The following AFG2A variants were observed in gnomAD, a reference collection of about 807,000 sequenced individuals.
AFG2A encodes AAA ATPase AFG2A.
At chr4:122,944,059 G>A in the AFG2A span, among the ~76,000 whole-genome samples, 2 of 152,198 alleles carry the variant, frequency 1.3e-5, no homozygotes, top group African/African-American at 4.8e-5. Flanking sequence ...CTCTCTGGCT[G>A]CTCTTAACAT....
chr4:122,927,607 C>T, the AFG2A span: 5 of 1,588,782 alleles, frequency 3.1e-6, no homozygotes, highest in African/African-American at 1.4e-5. Context: ...CAAAGTAGTA[C>T]AAAAATAATT....
At chr4:123,274,065 T>C in the AFG2A span, among the ~76,000 whole-genome samples, 1 of 152,190 alleles carries the variant, frequency 6.6e-6, no homozygotes, top group South Asian at 2.1e-4. Context: ...TGATAATCTA[T>C]TCTTATATTC....
chr4:123,264,454 G>T, the AFG2A span, among the ~76,000 whole-genome samples: 11 of 152,152 alleles, frequency 7.2e-5, no homozygotes, highest in Admixed American at 1.3e-4. Context: ...AATATTAAAA[G>T]TAAGGTGGAT....
the AFG2A span, among the ~76,000 whole-genome samples, chr4:123,026,329 A>G: frequency 6.6e-6 from 1 of 152,148 alleles, no homozygotes; most frequent in Non-Finnish European, 1.5e-5. Context: ...CCAAATATAT[A>G]CTGTGAAAAT....
At chr4:123,301,662 C>T in the AFG2A span, among the ~76,000 whole-genome samples, 1 of 152,234 alleles carries the variant, frequency 6.6e-6, no homozygotes, top group Non-Finnish European at 1.5e-5. Context: ...TAATGGTATA[C>T]TTATTGGTTA....
chr4:122,966,233 C>A, the AFG2A span, among the ~76,000 whole-genome samples: 1 of 152,152 alleles, frequency 6.6e-6, no homozygotes, highest in Non-Finnish European at 1.5e-5. Context: ...AATCTGAAGG[C>A]CTGTGGCAGG....
the AFG2A span, among the ~76,000 whole-genome samples, chr4:123,271,330 T>G: frequency 6.6e-6 from 1 of 152,252 alleles, no homozygotes; most frequent in South Asian, 2.1e-4. Flanking sequence ...GATGTTCTTC[T>G]ATGCTTTTTT....
chr4:122,983,616 T>A, the AFG2A span, among the ~76,000 whole-genome samples: 2 of 145,296 alleles, frequency 1.4e-5, no homozygotes, highest in South Asian at 2.1e-4. Flanking sequence ...GATTTTCCAA[T>A]TTTTTTTTCC....
the AFG2A span, among the ~76,000 whole-genome samples, chr4:122,932,009 G>T: frequency 6.6e-6 from 1 of 152,166 alleles, no homozygotes; most frequent in Non-Finnish European, 1.5e-5. Flanking sequence ...GCTCACGCCT[G>T]TAATCCCAGC....
chr4:123,271,082 G>C, the AFG2A span, among the ~76,000 whole-genome samples: 3 of 152,160 alleles, frequency 2.0e-5, no homozygotes, highest in Non-Finnish European at 4.4e-5. Context: ...GCAGAACAAT[G>C]CTGGAGACTG....
chr4:123,001,302 CT>C, the AFG2A span, among the ~76,000 whole-genome samples: 1 of 152,104 alleles, frequency 6.6e-6, no homozygotes, highest in African/African-American at 2.4e-5. Context: ...TGTCTATTTC[CT>C]TCAGTTCTGC....
chr4:123,021,287 C>G, the AFG2A span, among the ~76,000 whole-genome samples: 3 of 148,472 alleles, frequency 2.0e-5, no homozygotes, highest in African/African-American at 5.0e-5. Flanking sequence ...TACCTTTTCC[C>G]TTTTTAAGAT....
At chr4:123,081,508 C>T in the AFG2A span, among the ~76,000 whole-genome samples, 1 of 152,158 alleles carries the variant, frequency 6.6e-6, no homozygotes, top group Non-Finnish European at 1.5e-5. Flanking sequence ...ATTGTCTGGA[C>T]CTACCTCAGT....
chr4:123,014,100 C>A, the AFG2A span, among the ~76,000 whole-genome samples: 1 of 152,104 alleles, frequency 6.6e-6, no homozygotes, highest in African/African-American at 2.4e-5. Flanking sequence ...TCAGTAGAAT[C>A]CCCTCTGTCT....
the AFG2A span, among the ~76,000 whole-genome samples, chr4:123,266,671 T>A: frequency 6.6e-6 from 1 of 151,942 alleles, no homozygotes; most frequent in Non-Finnish European, 1.5e-5. Context: ...TGTATACTAT[T>A]TTTTACTTTT....
At chr4:123,007,584 G>A in the AFG2A span, among the ~76,000 whole-genome samples, 750 of 10,192 alleles carry the variant, frequency 0.074, 16 homozygotes, top group Non-Finnish European at 0.14. Flanking sequence ...GTGTGTGTGT[G>A]TGTGTGTGTG....
the AFG2A span, among the ~76,000 whole-genome samples, chr4:123,146,112 A>G: frequency 2.0e-5 from 3 of 152,154 alleles, no homozygotes; most frequent in African/African-American, 7.2e-5. Context: ...ACTAAATAGG[A>G]AACTAACTTT....
chr4:123,139,364 CT>C, the AFG2A span, among the ~76,000 whole-genome samples: 4 of 151,950 alleles, frequency 2.6e-5, no homozygotes, highest in Non-Finnish European at 5.9e-5. Flanking sequence ...GTTTTGTTTT[CT>C]TTCTTAATAG....
At chr4:123,228,787 A>C in the AFG2A span, among the ~76,000 whole-genome samples, 1 of 152,162 alleles carries the variant, frequency 6.6e-6, no homozygotes, top group Non-Finnish European at 1.5e-5. Flanking sequence ...TATGATTAAC[A>C]TAAGCCATGT....
Sources: gnomAD v4.1 joint callset for allele counts (sites outside exome capture counted in the v4.1 genomes callset) on GRCh38, gnomAD v4.1.1 for gene constraint, MANE v1.5 for transcripts, NCBI Gene and HGNC (gene_info 2026-07-23, HGNC 2026-07-21) for gene names.